The following CGB3 variants were observed in gnomAD, a reference collection of about 807,000 sequenced individuals.
The protein encoded by CGB3 is choriogonadotropin subunit beta 3.
Under a neutral mutation model 5.1 loss-of-function variants are expected in CGB3, and 3 were observed. The ratio of observed to expected loss-of-function variants is 0.59; its 90% CI spans 0.27 to 1.52. The LOEUF is 1.52. Among genes scored for constraint, CGB3 ranks in the 40% most tolerant of loss-of-function variants. The pLI, the probability that CGB3 is intolerant of heterozygous loss-of-function variation, is 0.13. For synonymous variants in CGB3, 21 were observed against 80.9 expected (o/e 0.26, Z 3.97); for missense variants, 44 against 183.7 (o/e 0.24, Z 4.39).
Position 49,024,298 on chromosome 19 carries a change from G to A in CGB3, c.-327C>T, listed in dbSNP as rs2039649970. ...TGCCTCTGCCTATGGTGGGGTCCTG[G>A]GAGCCAGGAGGAGGCCGTGACCCGA... On this transcript the variant is annotated 5_prime_UTR_variant, in exon 1 of 3. Coordinates refer to ENST00000357383, the MANE Select transcript of CGB3 (RefSeq NM_000737.5). The A allele has an allele frequency of 1.2e-6, 1 of 815,028 alleles. No homozygotes were observed. The highest frequency in any genetic ancestry group is 3.8e-5 in the Admixed American group (1 of 26,098). The allele number at this position is 815,028 out of a possible 1,614,324, so 50.5% of individuals were successfully genotyped here. A position where few individuals can be genotyped will look rare whatever the true frequency, so the allele number is the denominator to read the frequency against.
Position 49,023,102 on chromosome 19 carries a change from GC to G in CGB3, c.281del (p.Arg94ProfsTer3). 2 of 1,327,974 alleles carry G rather than the reference GC, an allele frequency of 1.5e-6. No homozygotes were observed. Among genetic ancestry groups the G allele is most frequent in the Non-Finnish European group, 2.1e-6 (2 of 975,250 alleles). The allele number at this position is 1,327,974 out of a possible 1,614,324, so 82.3% of individuals were successfully genotyped here. A position where few individuals can be genotyped will look rare whatever the true frequency, so the allele number is the denominator to read the frequency against. On this transcript the variant is annotated frameshift_variant, in exon 3 of 3. Transcript: ENST00000357383. LOFTEE classifies it low-confidence loss of function (END_TRUNC). Reference sequence around the variant, plus strand: ...CGTAGGAGACCACGGGGTTCACGCCGCGCGGGCAGCCAGGGAGCCGGATGGA... The same window carrying G: ...CGTAGGAGACCACGGGGTTCACGCCGGCGGGCAGCCAGGGAGCCGGATGGA... ...FESIRLPGCP[R>X]GVNPVVSYAV...
At position 49,024,129 on chromosome 19, in the gene CGB3, G is replaced by A. The variant is rs1600212579; in HGVS notation, c.-158C>T. 1.2e-5 allele frequency: 17 copies of A among 1,392,802 alleles called. No individual in the cohort carries two copies. Among genetic ancestry groups the A allele is most frequent in the Non-Finnish European group, 1.6e-5 (16 of 1,007,176 alleles). The allele number at this position is 1,392,802 out of a possible 1,614,324, so 86.3% of individuals were successfully genotyped here. On this transcript the variant is annotated 5_prime_UTR_variant, in exon 1 of 3. Transcript: ENST00000357383. ...GCCAGGGGGGCGCAGGAGTGGCTCA[G>A]CGGAGCGCCCCAGCCCTCTCCTCTC...
At position 49,023,893 on chromosome 19, in the gene CGB3, C is replaced by T. The variant is rs559578065; in HGVS notation, c.15+64G>A. 39 of 1,612,354 alleles carry T rather than the reference C, an allele frequency of 2.4e-5. No individual in the cohort carries two copies. The East Asian group carries it at 7.4e-4, about 30-fold the overall frequency. ...CTTCCACAGCTCACACTGGTCTGAC[C>T]CCTTCTCATGCCAGTGATTGCCTGG... On this transcript the variant is annotated intron_variant, in intron 1 of 2. Coordinates refer to ENST00000357383, the MANE Select transcript of CGB3 (RefSeq NM_000737.5).
rs1435236282 is a variant in CGB3 at position 49,024,099 on chromosome 19, A to T, written c.-128T>A. ...TAACCCCTCGGGGGGCAAGAGGTAG[A>T]CAAGGCCAGGGGGGCGCAGGAGTGG... is the stretch of plus-strand genomic sequence containing the variant. On this transcript the variant is annotated 5_prime_UTR_variant, in exon 1 of 3. Transcript: ENST00000357383. 1.5e-5 allele frequency: 24 copies of T among 1,581,070 alleles called. No homozygotes were observed. The highest frequency in any genetic ancestry group is 2.0e-5 in the Non-Finnish European group (23 of 1,153,920).
rs1406595941 is a variant in CGB3, at chr19:49,023,946, T to G, written c.15+11A>C. 1 of 1,612,984 alleles carries G rather than the reference T, an allele frequency of 6.2e-7. No homozygotes were observed. The highest frequency in any genetic ancestry group is 8.5e-7 in the Non-Finnish European group (1 of 1,179,784). ...GGAGGTGGAAGGTGCCCAGGGGCCC[T>G]GCAGTCTTACCTGGAACATCTCCAT... On this transcript the variant is annotated intron_variant, in intron 1 of 2. Coordinates refer to ENST00000357383, the MANE Select transcript of CGB3 (RefSeq NM_000737.5).
At position 49,023,894 on chromosome 19, in the gene CGB3, C is replaced by T. The variant is rs996194181; in HGVS notation, c.15+63G>A. The T allele has an allele frequency of 8.1e-6, 13 of 1,612,270 alleles. No individual in the cohort carries two copies. The African/African-American group carries it at 9.4e-5, about 12-fold the overall frequency. ...TTCCACAGCTCACACTGGTCTGACCCCTTCTCATGCCAGTGATTGCCTGGA... is the reference window on the plus strand; with the variant it reads ...TTCCACAGCTCACACTGGTCTGACCTCTTCTCATGCCAGTGATTGCCTGGA... On this transcript the variant is annotated intron_variant, in intron 1 of 2. Transcript: ENST00000357383.
Position 49,024,189 on chromosome 19 carries a change from G to C in CGB3, c.-218C>G. On this transcript the variant is annotated 5_prime_UTR_variant, in exon 1 of 3. Coordinates refer to ENST00000357383, the MANE Select transcript of CGB3 (RefSeq NM_000737.5). ...GCGCCAAGGGTGAGGCGGAGACCACGGTGAAGTGACCTCAGAGACTCAGTC... is the reference window on the plus strand; with the variant it reads ...GCGCCAAGGGTGAGGCGGAGACCACCGTGAAGTGACCTCAGAGACTCAGTC... 1 of 1,437,506 alleles carries C rather than the reference G, an allele frequency of 7.0e-7. No homozygotes were observed. Among genetic ancestry groups the C allele is most frequent in the Non-Finnish European group, 9.2e-7 (1 of 1,088,814 alleles). 89.0% of individuals were successfully genotyped at this position (1,437,506 alleles called of 1,614,324 possible).
chr19:49,023,924 G>T (rs780440809), intron 1 of CGB3, 33 bp downstream of exon 1: 2 of 1,612,590 alleles, frequency 1.2e-6, no homozygotes, highest in Non-Finnish European at 1.7e-6. Context: ...CCTGGAAGGA[G>T]GTGGAAGGTG....
In CGB3 at chr19:49,023,964, A is replaced by T. The variant is rs2039645347; in HGVS notation, c.8T>A (p.Met3Lys). The change falls in exon 1 of 3, where the codon ATG becomes AAG. Residue 3 changes from methionine to lysine, a missense_variant. Met to Lys is a moderately conservative substitution (Grantham distance 95). Transcript: ENST00000357383. ME[M>K]FQGLLLLLLL... is the part of the protein sequence containing the mutation. ...GGGGCCCTGCAGTCTTACCTGGAAC[A>T]TCTCCATCCTTGGTGCGTCCCCTGC... 1 of 1,613,012 alleles carries T rather than the reference A, an allele frequency of 6.2e-7. No homozygotes were observed. The highest frequency in any genetic ancestry group is 1.3e-5 in the African/African-American group (1 of 74,722).
In CGB3 at chr19:49,024,114, C is replaced by T. The variant is rs907508163; in HGVS notation, c.-143G>A. 11 of 1,518,652 alleles carry T rather than the reference C, an allele frequency of 7.2e-6. No homozygotes were observed. Among genetic ancestry groups the T allele is most frequent in the Admixed American group, 3.4e-5 (2 of 58,254 alleles). 94.1% of individuals were successfully genotyped at this position (1,518,652 alleles called of 1,614,324 possible). On this transcript the variant is annotated 5_prime_UTR_variant, in exon 1 of 3. Coordinates refer to ENST00000357383, the MANE Select transcript of CGB3 (RefSeq NM_000737.5). ...CAAGAGGTAGACAAGGCCAGGGGGG[C>T]GCAGGAGTGGCTCAGCGGAGCGCCC...
rs1301635917 is a variant in CGB3 at position 49,024,124 on chromosome 19, G to C, written c.-153C>G. 1 of 1,399,938 alleles carries C rather than the reference G, an allele frequency of 7.1e-7. No individual in the cohort carries two copies. 86.7% of individuals were successfully genotyped at this position (1,399,938 alleles called of 1,614,324 possible). A position where few individuals can be genotyped will look rare whatever the true frequency, so the allele number is the denominator to read the frequency against. On this transcript the variant is annotated 5_prime_UTR_variant, in exon 1 of 3. Transcript: ENST00000357383. The stretch of plus-strand genomic sequence containing the variant: ...ACAAGGCCAGGGGGGCGCAGGAGTG[G>C]CTCAGCGGAGCGCCCCAGCCCTCTC...
Position 49,023,988 on chromosome 19 carries a change from G to T in CGB3, c.-17C>A. 1 of 1,613,252 alleles carries T rather than the reference G, an allele frequency of 6.2e-7. No individual in the cohort carries two copies. Among genetic ancestry groups the T allele is most frequent in the Non-Finnish European group, 8.5e-7 (1 of 1,179,680 alleles). ...CATCTCCATCCTTGGTGCGTCCCCT[G>T]CCTCGTGTACCTGGCTTTATACCTC... On this transcript the variant is annotated 5_prime_UTR_variant, in exon 1 of 3. Coordinates refer to ENST00000357383, the MANE Select transcript of CGB3 (RefSeq NM_000737.5).
In CGB3 at chr19:49,024,027, C is replaced by T. The variant is rs776776330; in HGVS notation, c.-56G>A. ...GCTTTATACCTCGGGGTTGTGGGGG[C>T]GGCAAGGCCACCAGGAGGTGATAGG... On this transcript the variant is annotated 5_prime_UTR_variant, in exon 1 of 3. Transcript: ENST00000357383. 5.2e-5 allele frequency: 83 copies of T among 1,605,012 alleles called. No homozygotes were observed. The highest frequency in any genetic ancestry group is 4.7e-4 in the African/African-American group (35 of 74,270).
chr19:49,023,759 A>C (rs1028920575), intron 1 of CGB3, 156 bp from the exon 2 acceptor site: 10 of 961,590 alleles, frequency 1.0e-5, no homozygotes, highest in Non-Finnish European at 1.1e-5. Flanking sequence ...TTCAGAGCCC[A>C]CCCCACAGCC....
Position 49,024,056 on chromosome 19 carries a change from C to T in CGB3, c.-85G>A. 1 of 1,595,292 alleles carries T rather than the reference C, an allele frequency of 6.3e-7. No individual in the cohort carries two copies. The highest frequency in any genetic ancestry group is 8.6e-7 in the Non-Finnish European group (1 of 1,163,612). On this transcript the variant is annotated 5_prime_UTR_variant, in exon 1 of 3. Transcript: ENST00000357383. ...AAGGCCACCAGGAGGTGATAGGATGCTGGGGTGAGCTCGACACTAACCCCT... is the reference window on the plus strand; with the variant it reads ...AAGGCCACCAGGAGGTGATAGGATGTTGGGGTGAGCTCGACACTAACCCCT...
chr19:49,024,112 G>A lies in CGB3; in HGVS notation c.-141C>T, dbSNP rs1345192872. 65 of 1,530,792 alleles carry A rather than the reference G, an allele frequency of 4.2e-5. No individual in the cohort carries two copies. The highest frequency in any genetic ancestry group is 1.0e-4 in the Admixed American group (6 of 58,458). The allele number at this position is 1,530,792 out of a possible 1,614,324, so 94.8% of individuals were successfully genotyped here. A position where few individuals can be genotyped will look rare whatever the true frequency, so the allele number is the denominator to read the frequency against. On this transcript the variant is annotated 5_prime_UTR_variant, in exon 1 of 3. Coordinates refer to ENST00000357383, the MANE Select transcript of CGB3 (RefSeq NM_000737.5). ...GGCAAGAGGTAGACAAGGCCAGGGG[G>A]GCGCAGGAGTGGCTCAGCGGAGCGC...
At position 49,023,994 on chromosome 19, in the gene CGB3, T is replaced by C. The variant is rs1203961127; in HGVS notation, c.-23A>G. The C allele has an allele frequency of 1.2e-6, 2 of 1,613,182 alleles. No individual in the cohort carries two copies. The highest frequency in any genetic ancestry group is 8.5e-7 in the Non-Finnish European group (1 of 1,179,652). ...CATCCTTGGTGCGTCCCCTGCCTCG[T>C]GTACCTGGCTTTATACCTCGGGGTT... On this transcript the variant is annotated 5_prime_UTR_variant, in exon 1 of 3. Coordinates refer to ENST00000357383, the MANE Select transcript of CGB3 (RefSeq NM_000737.5).
At position 49,024,107 on chromosome 19, in the gene CGB3, A is replaced by T. The variant is rs1430255998; in HGVS notation, c.-136T>A. On this transcript the variant is annotated 5_prime_UTR_variant, in exon 1 of 3. Transcript: ENST00000357383. Reference sequence around the variant, plus strand: ...CGGGGGGCAAGAGGTAGACAAGGCCAGGGGGGCGCAGGAGTGGCTCAGCGG... The same window carrying T: ...CGGGGGGCAAGAGGTAGACAAGGCCTGGGGGGCGCAGGAGTGGCTCAGCGG... 6.5e-6 allele frequency: 10 copies of T among 1,539,570 alleles called. No individual in the cohort carries two copies. The African/African-American group carries it at 1.2e-4, about 19-fold the overall frequency.
intron 2 of CGB3, 56 bp from the exon 3 acceptor site, chr19:49,023,256 G>A: frequency 1.5e-6 from 1 of 682,412 alleles, no homozygotes; most frequent in East Asian, 2.8e-5. Flanking sequence ...CGCCTCAGCT[G>A]AGCTCCCCAG....
Sources: gnomAD v4.1 joint callset for allele counts on GRCh38, gnomAD v4.1.1 for gene constraint, MANE v1.5 for transcripts, NCBI Gene and HGNC (gene_info 2026-07-23, HGNC 2026-07-21) for gene names.